The following PPFIA2 variants were observed in gnomAD, a reference collection of about 807,000 sequenced individuals.
PPFIA2 encodes PPFI scaffold protein A2.
Under a neutral mutation model 175.5 loss-of-function variants are expected in PPFIA2, and 46 were observed. That is an observed-to-expected ratio of 0.26 (90% CI 0.21 to 0.34). The LOEUF (loss-of-function observed/expected upper bound fraction) is 0.34. Ranked by LOEUF, PPFIA2 falls within the 10% of genes least tolerant of loss-of-function variation. The pLI is 1.00. For missense variants in PPFIA2, 1,179 were observed against 1,506.1 expected (o/e 0.78, Z 3.60); for synonymous variants, 568 against 511.4 (o/e 1.11, Z -1.49).
intron 24 of PPFIA2, among the ~76,000 whole-genome samples, chr12:81,286,944 G>A (rs2043595233): frequency 6.6e-6 from 1 of 151,932 alleles, no homozygotes; most frequent in South Asian, 2.1e-4. Context: ...TTCTAACAAT[G>A]ATGCTCATTA....
chr12:81,700,683 T>TA (rs1264491106), intron 3 of PPFIA2, among the ~76,000 whole-genome samples: 1 of 151,912 alleles, frequency 6.6e-6, no homozygotes, highest in African/African-American at 2.4e-5. Context: ...TTTAGAAGGA[T>TA]AAAAAAATAA....
At chr12:81,367,250 C>T in intron 13 of PPFIA2, 80 bp from the exon 14 acceptor site, 1 of 896,350 alleles carries the variant, frequency 1.1e-6, no homozygotes, top group Non-Finnish European at 1.5e-6. Flanking sequence ...TATCTTATCA[C>T]TCAAGAATCC....
At chr12:81,328,593 G>A (rs1248969431) in intron 21 of PPFIA2, among the ~76,000 whole-genome samples, 1 of 152,036 alleles carries the variant, frequency 6.6e-6, no homozygotes, top group Admixed American at 6.6e-5. Context: ...GTTCACATTT[G>A]TGGCTTATAT....
At chr12:81,521,367 G>T (rs1432588621) in intron 4 of PPFIA2, among the ~76,000 whole-genome samples, 2 of 152,072 alleles carry the variant, frequency 1.3e-5, no homozygotes, top group African/African-American at 4.8e-5. Flanking sequence ...GCTGGTGATG[G>T]TTTATTCTGA....
chr12:81,720,629 G>A (rs929805143), intron 3 of PPFIA2, among the ~76,000 whole-genome samples: 2 of 151,266 alleles, frequency 1.3e-5, no homozygotes, highest in African/African-American at 4.8e-5. Context: ...TCAATTCTCT[G>A]ACCTGGGAGT....
At chr12:81,356,606 T>A (rs904080490) in intron 16 of PPFIA2, among the ~76,000 whole-genome samples, 1 of 151,978 alleles carries the variant, frequency 6.6e-6, no homozygotes, top group African/African-American at 2.4e-5. Flanking sequence ...AAGGCTGCAA[T>A]GAGCCATGAT....
intron 4 of PPFIA2, among the ~76,000 whole-genome samples, chr12:81,474,985 T>C (rs868784681): frequency 6.6e-6 from 1 of 152,298 alleles, no homozygotes; most frequent in South Asian, 2.1e-4. Context: ...AAAAATAAAA[T>C]GGTATTTTAA....
chr12:81,381,804 T>G (rs891591895), intron 9 of PPFIA2, among the ~76,000 whole-genome samples: 1 of 152,188 alleles, frequency 6.6e-6, no homozygotes, highest in Non-Finnish European at 1.5e-5. Context: ...TTTTTTTGTT[T>G]TGTTTTGTTT....
At chr12:81,415,682 A>G (rs1012104369) in intron 7 of PPFIA2, among the ~76,000 whole-genome samples, 8 of 150,164 alleles carry the variant, frequency 5.3e-5, no homozygotes, top group African/African-American at 2.0e-4. Flanking sequence ...TTTTAAGTTT[A>G]AAACAGAATG....
At chr12:81,519,589 A>G (rs189306444) in intron 4 of PPFIA2, among the ~76,000 whole-genome samples, 1 of 152,352 alleles carries the variant, frequency 6.6e-6, no homozygotes, top group Non-Finnish European at 1.5e-5. Flanking sequence ...CGCTTCCGCT[A>G]CTATAATGAA....
chr12:81,513,595 C>A (rs2062051199), intron 4 of PPFIA2, among the ~76,000 whole-genome samples: 1 of 151,894 alleles, frequency 6.6e-6, no homozygotes, highest in Non-Finnish European at 1.5e-5. Context: ...TCACATGTAC[C>A]TTTCATCCTC....
Position 81,267,994 on chromosome 12 carries a change from T to C in PPFIA2, c.3404A>G (p.His1135Arg). ...TTCATCCAGGGCTATAAGTGAGCCA[T>C]GCACACCGCTCTCAAGTATATTATT... ...YANNILESGVHGSLIALDENF... is the reference protein window; with the variant it reads ...YANNILESGVRGSLIALDENF... Residue 1135 changes from histidine (H) to arginine (R), a missense_variant, in exon 29 of 33, where the codon CAT becomes CGT. Transcript: ENST00000549396. 1 of 1,599,176 alleles carries C rather than the reference T, an allele frequency of 6.3e-7. No individual in the cohort carries two copies. The highest frequency in any genetic ancestry group is 8.5e-7 in the Non-Finnish European group (1 of 1,171,868).
intron 4 of PPFIA2, among the ~76,000 whole-genome samples, chr12:81,492,272 A>C (rs2147098030): frequency 6.6e-6 from 1 of 152,152 alleles, no homozygotes; most frequent in South Asian, 2.1e-4. Context: ...TTACTAATTC[A>C]AACACATTTA....
chr12:81,534,606 T>G (rs1368106168), intron 4 of PPFIA2, among the ~76,000 whole-genome samples: 2 of 151,742 alleles, frequency 1.3e-5, no homozygotes, highest in Non-Finnish European at 3.0e-5. Flanking sequence ...TGTTAAACTT[T>G]GAGTTTCAAA....
chr12:81,462,523 C>CAT (rs1412630922), intron 4 of PPFIA2, among the ~76,000 whole-genome samples: 1 of 142,676 alleles, frequency 7.0e-6, no homozygotes, highest in Admixed American at 7.2e-5. Context: ...CTTTTTCACT[C>CAT]ATATATATGT....
intron 4 of PPFIA2, among the ~76,000 whole-genome samples, chr12:81,465,028 C>G (rs977275976): frequency 1.3e-5 from 2 of 152,138 alleles, no homozygotes; most frequent in African/African-American, 4.8e-5. Flanking sequence ...GTCCCCACCT[C>G]AGGAAAGCTG....
intron 3 of PPFIA2, among the ~76,000 whole-genome samples, chr12:81,684,183 A>C (rs1350928203): frequency 6.6e-6 from 1 of 152,134 alleles, no homozygotes; most frequent in African/African-American, 2.4e-5. Flanking sequence ...CAAAATTCTG[A>C]ATCACCTTCC....
chr12:81,561,151 T>C (rs1280579111), intron 4 of PPFIA2, among the ~76,000 whole-genome samples: 3 of 152,184 alleles, frequency 2.0e-5, no homozygotes, highest in South Asian at 2.1e-4. Context: ...ATTTCTATTG[T>C]AGTTTACATG....
intron 24 of PPFIA2, among the ~76,000 whole-genome samples, chr12:81,293,706 T>A: frequency 6.6e-6 from 1 of 152,084 alleles, no homozygotes; most frequent in Non-Finnish European, 1.5e-5. Context: ...TGTAAATTAA[T>A]ACAACCTCTA....
Sources: gnomAD v4.1 joint callset for allele counts (sites outside exome capture counted in the v4.1 genomes callset) on GRCh38, gnomAD v4.1.1 for gene constraint, MANE v1.5 for transcripts, NCBI Gene and HGNC (gene_info 2026-07-23, HGNC 2026-07-21) for gene names.